Variants in PHACTR2 observed in about 807,000 individuals in gnomAD.
PHACTR2 encodes the protein phosphatase and actin regulator 2, also known as chromosome 6 open reading frame 56.
PHACTR2 carries 30 observed loss-of-function variants against 76.0 expected under a neutral mutation model. That is an observed-to-expected ratio of 0.39 (90% CI 0.30 to 0.54). The LOEUF is 0.54. Ranked by LOEUF, PHACTR2 falls within the 20% of genes least tolerant of loss-of-function variation. The pLI, the probability that PHACTR2 is intolerant of heterozygous loss-of-function variation, is 0.61. For missense variants in PHACTR2, 696 were observed against 781.1 expected (o/e 0.89, Z 1.30); for synonymous variants, 292 against 292.5 (o/e 1.00, Z 0.02).
chr6:143,813,111 G>C (rs541368295), intron 12 of PHACTR2, among the ~76,000 whole-genome samples: 4 of 151,934 alleles, frequency 2.6e-5, no homozygotes, highest in East Asian at 3.9e-4. Context: ...TTCTCATTTT[G>C]TAAATGATGA....
Position 143,774,324 on chromosome 6 carries a change from G to T in PHACTR2, c.1589+109G>T. ...GAATTCCTTATGTACAGATACATCT[G>T]GCCTACTGGGTCTTTTAAAGTTGGT... On this transcript the variant is annotated intron_variant, in intron 8 of 12. Transcript: ENST00000440869. The surrounding 1 kb of genome is among the most constrained non-coding windows in gnomAD (Gnocchi z 5.4). 1 of 753,204 alleles carries T rather than the reference G, an allele frequency of 1.3e-6. No homozygotes were observed. The highest frequency in any genetic ancestry group is 2.1e-6 in the Non-Finnish European group (1 of 480,228). 46.7% of individuals were successfully genotyped at this position (753,204 alleles called of 1,614,324 possible). A position where few individuals can be genotyped will look rare whatever the true frequency, so the allele number is the denominator to read the frequency against.
intron 1 of PHACTR2, among the ~76,000 whole-genome samples, chr6:143,650,986 T>C (rs1776754130): frequency 6.6e-6 from 1 of 151,074 alleles, no homozygotes; most frequent in Admixed American, 6.6e-5. Flanking sequence ...TTAAACAAAT[T>C]TACCAAAAAA....
Position 143,765,680 on chromosome 6 carries a change from G to A in PHACTR2, c.1114G>A (p.Ala372Thr), listed in dbSNP as rs772630354. The A allele has an allele frequency of 1.2e-6, 2 of 1,614,182 alleles. No individual in the cohort carries two copies. The highest frequency in any genetic ancestry group is 2.7e-5 in the African/African-American group (2 of 75,038). Reference protein sequence around the residue: ...DTPVVLVSVGADLPVSALDPS... With the variant: ...DTPVVLVSVGTDLPVSALDPS... ...TCCAGTTGTCCTCGTCAGCGTTGGA[G>A]CTGACCTGCCCGTCTCTGCCTTAGA... The change falls in exon 6 of 13, where the codon GCT (alanine) becomes ACT (threonine). Residue 372 changes from alanine (A) to threonine (T), a missense_variant. This residue lies in a region of PHACTR2 where 460 missense variants were observed against 450.9 expected (regional missense o/e 1.02). Coordinates refer to ENST00000440869, the MANE Select transcript of PHACTR2 (RefSeq NM_001100164.2). This position sits in a 1 kb window ranked among gnomAD's most constrained non-coding sequence, Gnocchi z 4.1.
At chr6:143,716,210 C>T (rs912799905) in intron 2 of PHACTR2, among the ~76,000 whole-genome samples, 15 of 152,166 alleles carry the variant, frequency 9.9e-5, no homozygotes, top group African/African-American at 3.6e-4. Flanking sequence ...CAAGTTCCAA[C>T]AGGTAGGGTA....
intron 12 of PHACTR2, among the ~76,000 whole-genome samples, chr6:143,815,615 G>A (rs911283988): frequency 1.3e-5 from 2 of 152,102 alleles, no homozygotes; most frequent in Non-Finnish European, 2.9e-5. Flanking sequence ...AGGAAGGGCT[G>A]GGCGCAGTGG....
chr6:143,680,506 G>C lies in PHACTR2; in HGVS notation c.46+2297G>C, dbSNP rs1333834897. ...TTGTAAAAATCTTCATTATAGGCTA[G>C]AAGTTAGCTTGCTTTCCCCGTTTTG... On this transcript the variant is annotated intron_variant, in intron 1 of 12. Coordinates refer to ENST00000440869, the MANE Select transcript of PHACTR2 (RefSeq NM_001100164.2). The surrounding 1 kb of genome is among the most constrained non-coding windows in gnomAD (Gnocchi z 4.5). Among the ~76,000 whole-genome samples the C allele has an allele frequency of 6.6e-6, 1 of 152,176 alleles. No homozygotes were observed. The highest frequency in any genetic ancestry group is 2.4e-5 in the African/African-American group (1 of 41,450).
chr6:143,596,210 G>C lies in PHACTR2; in HGVS notation c.217+59003G>C, dbSNP rs777102588. On this transcript the variant is annotated intron_variant, in intron 1 of 11. Transcript: ENST00000367584. This position sits in a 1 kb window ranked among gnomAD's most constrained non-coding sequence, Gnocchi z 4.6. ...AAAACTGGCCATGAAAAATACTTTT[G>C]TTGTCCCCAGCAAGCCAGATCTGTG... is the stretch of plus-strand genomic sequence containing the variant. Among the ~76,000 whole-genome samples the C allele has an allele frequency of 2.0e-5, 3 of 152,252 alleles. No homozygotes were observed. The highest frequency in any genetic ancestry group is 2.1e-4 in the South Asian group (1 of 4,818).
rs547932620 is a variant in PHACTR2 at position 143,656,795 on chromosome 6, A to G, written c.13+48473A>G. 2.0e-5 allele frequency among the ~76,000 whole-genome samples: 3 copies of G among 152,322 alleles called. No individual in the cohort carries two copies. In the South Asian group the frequency reaches 6.2e-4, roughly 32 times the overall value. ...CATGTCTGTTAGTTTTGCAATCCGC[A>G]AAAAGATGAACACAATAGACATGTT... On this transcript the variant is annotated intron_variant, in intron 1 of 11. Transcript: ENST00000305766. The surrounding 1 kb of genome is among the most constrained non-coding windows in gnomAD (Gnocchi z 5.3).
Position 143,590,878 on chromosome 6 carries a change from C to T in PHACTR2, c.217+53671C>T, listed in dbSNP as rs149772311. ...CCTGTTGTGTGGCCTCAGCCCATTCCCTATCCCAATGACAATCTTGCCAGC... is the reference window on the plus strand; with the variant it reads ...CCTGTTGTGTGGCCTCAGCCCATTCTCTATCCCAATGACAATCTTGCCAGC... On this transcript the variant is annotated intron_variant, in intron 1 of 11. Transcript: ENST00000367584. Among the ~76,000 whole-genome samples, 585 of 152,144 alleles carry T rather than the reference C, an allele frequency of 3.8e-3. 1 individual carries two copies. The highest frequency in any genetic ancestry group is 6.6e-3 in the Non-Finnish European group (451 of 67,994).
rs955707899 is a variant in PHACTR2, at chr6:143,591,971, T to G, written c.217+54764T>G. On this transcript the variant is annotated intron_variant, in intron 1 of 11. Transcript: ENST00000367584. This position sits in a 1 kb window ranked among gnomAD's most constrained non-coding sequence, Gnocchi z 6.4. ...TTCTGGTCTTCCTAGACCCGAGGGTTAGCCTGGGCATGGCTGTTTGTGGGT... is the reference window on the plus strand; with the variant it reads ...TTCTGGTCTTCCTAGACCCGAGGGTGAGCCTGGGCATGGCTGTTTGTGGGT... 6.6e-6 allele frequency among the ~76,000 whole-genome samples: 1 copy of G among 152,188 alleles called. No individual in the cohort carries two copies. Among genetic ancestry groups the G allele is most frequent in the African/African-American group, 2.4e-5 (1 of 41,444 alleles).
Position 143,746,740 on chromosome 6 carries a change from G to C in PHACTR2, c.215-2245G>C, listed in dbSNP as rs370407149. Among the ~76,000 whole-genome samples, 38 of 151,750 alleles carry C rather than the reference G, an allele frequency of 2.5e-4. No homozygotes were observed. In the East Asian group the frequency reaches 7.2e-3, roughly 29 times the overall value. ...TGTGGGTGTTCTTTGGCTTCCTGCCGTTGATAAGAGTTCTCTCCTTTTTGA... is the reference window on the plus strand; with the variant it reads ...TGTGGGTGTTCTTTGGCTTCCTGCCCTTGATAAGAGTTCTCTCCTTTTTGA... On this transcript the variant is annotated intron_variant, in intron 2 of 12. Coordinates refer to ENST00000440869, the MANE Select transcript of PHACTR2 (RefSeq NM_001100164.2).
chr6:143,577,556 G>A (rs372593480), intron 1 of PHACTR2, among the ~76,000 whole-genome samples: 11 of 152,278 alleles, frequency 7.2e-5, no homozygotes, highest in African/African-American at 1.9e-4. Flanking sequence ...AGAATGCCCC[G>A]TGTGAGTTTT....
rs1775130811 is a variant in PHACTR2, at chr6:143,553,953, A to AG, written c.217+16749dup. ...ATCCTTCCAGGCAGAGAGAAGAGCA[A>AG]GGGCAAAGGCCCCAAGGAACAGAAA... On this transcript the variant is annotated intron_variant, in intron 1 of 11. Coordinates refer to the PHACTR2 transcript ENST00000367584. The surrounding 1 kb of genome is among the most constrained non-coding windows in gnomAD (Gnocchi z 4.2). Among the ~76,000 whole-genome samples the AG allele has an allele frequency of 1.3e-5, 2 of 152,156 alleles. No homozygotes were observed. Among genetic ancestry groups the AG allele is most frequent in the Admixed American group, 1.3e-4 (2 of 15,282 alleles).
intron 1 of PHACTR2, among the ~76,000 whole-genome samples, chr6:143,601,945 T>C (rs1278996746): frequency 6.6e-6 from 1 of 152,254 alleles, no homozygotes; most frequent in East Asian, 1.9e-4. Context: ...TTACATCTGA[T>C]ATTTTGATGC....
At chr6:143,588,565 C>T (rs1775653279) in intron 1 of PHACTR2, among the ~76,000 whole-genome samples, 2 of 152,062 alleles carry the variant, frequency 1.3e-5, no homozygotes, top group African/African-American at 4.8e-5. Flanking sequence ...CAGAGTAAGG[C>T]TTTCTCAGAA....
chr6:143,691,589 C>A (rs562750054), intron 1 of PHACTR2, among the ~76,000 whole-genome samples: 1 of 152,132 alleles, frequency 6.6e-6, no homozygotes, highest in Non-Finnish European at 1.5e-5. Flanking sequence ...TAGTTACATT[C>A]GAAGGCAAGG....
In PHACTR2 at chr6:143,820,471, C is replaced by T. The variant is rs1217102419; in HGVS notation, c.1923-3203C>T. On this transcript the variant is annotated intron_variant, in intron 12 of 12. Coordinates refer to ENST00000440869, the MANE Select transcript of PHACTR2 (RefSeq NM_001100164.2). The surrounding 1 kb of genome is among the most constrained non-coding windows in gnomAD (Gnocchi z 4.2). ...GAAATCAGACAAAAGAAGGTGGCTA[C>T]AGGCCCCATGCAAGTTCAAAACCCA... is the stretch of plus-strand genomic sequence containing the variant. Among the ~76,000 whole-genome samples, 1 of 152,222 alleles carries T rather than the reference C, an allele frequency of 6.6e-6. No homozygotes were observed. Among genetic ancestry groups the T allele is most frequent in the East Asian group, 1.9e-4 (1 of 5,200 alleles).
intron 1 of PHACTR2, among the ~76,000 whole-genome samples, chr6:143,579,516 T>C (rs1775549404): frequency 1.3e-5 from 2 of 152,036 alleles, no homozygotes; most frequent in African/African-American, 4.8e-5. Flanking sequence ...TAGATTTTCA[T>C]ATATAAGAGA....
chr6:143,785,750 A>G (rs1775543204), intron 10 of PHACTR2, among the ~76,000 whole-genome samples: 1 of 152,158 alleles, frequency 6.6e-6, no homozygotes, highest in Non-Finnish European at 1.5e-5. Context: ...TCAACACCAT[A>G]TGGAAGCTGC....
Sources: gnomAD v4.1 joint callset for allele counts (sites outside exome capture counted in the v4.1 genomes callset) on GRCh38, gnomAD v4.1.1 for gene constraint, gnomAD v4.1.1 regional missense constraint, Gnocchi (gnomAD v3.1) non-coding constraint, MANE v1.5 for transcripts, NCBI Gene and HGNC (gene_info 2026-07-23, HGNC 2026-07-21) for gene names.